GALR1: variants seen among roughly 807,000 people sequenced by gnomAD.
The protein encoded by GALR1 is galanin receptor type 1.
A neutral mutation model predicts 17.9 loss-of-function variants in GALR1; 11 were observed. The observed-to-expected ratio is 0.62, with a 90% CI of 0.39 to 1.02. The LOEUF (loss-of-function observed/expected upper bound fraction) is 1.02, where lower values mean the gene tolerates loss of function less well. Ranked by LOEUF, GALR1 falls within the 50% of genes least tolerant of loss-of-function variation. The probability of loss-of-function intolerance (pLI) is 0.01; values close to 1 mark genes in which losing one functional copy is unlikely to be tolerated. For missense variants in GALR1, 441 were observed against 456.9 expected, an observed-to-expected ratio of 0.97 and a Z score of 0.32; for synonymous variants, 206 against 205.7, an observed-to-expected ratio of 1.00 and a Z score of -0.01.
intron 1 of GALR1, among the ~76,000 whole-genome samples, chr18:77,252,060 T>TCG (rs1912431377): frequency 6.6e-6 from 1 of 152,168 alleles, no homozygotes; most frequent in Admixed American, 6.5e-5. Flanking sequence ...TCACCCTAAC[T>TCG]GTAGCAGAGG....
Position 77,270,360 on chromosome 18 carries a change from C to T in GALR1, c.*1458C>T, listed in dbSNP as rs901928301. The T allele has an allele frequency of 2.6e-5, 4 of 152,178 alleles. No individual in the cohort carries two copies. Among genetic ancestry groups the T allele is most frequent in the Non-Finnish European group, 4.4e-5 (3 of 68,078 alleles). The allele number at this position is 152,178 out of a possible 1,614,324, so 9.4% of individuals were successfully genotyped here. ...CAAAACTCGGTCTCTACTAAAAATA[C>T]AAAAATTAGCTGGGTGTGGTGGCGC... On this transcript the variant is annotated 3_prime_UTR_variant, in exon 3 of 3. Transcript: ENST00000299727.
chr18:77,256,132 T>G (rs941669655), intron 1 of GALR1, 26 bp from the exon 2 acceptor site: 1 of 1,437,066 alleles, frequency 7.0e-7, no homozygotes, highest in Admixed American at 1.7e-5. Flanking sequence ...TGAGGCGAAC[T>G]GATTTCAATA....
In GALR1 at chr18:77,272,286, C is replaced by T. The variant is rs1329431592; in HGVS notation, c.*3384C>T. On this transcript the variant is annotated 3_prime_UTR_variant, in exon 3 of 3. Transcript: ENST00000299727. ...AAATCATATTGCATTCCTGCATTCT[C>T]CCAGATGCTTTGAGGCAGTGCAGCG... is the stretch of plus-strand genomic sequence containing the variant. 1 of 152,238 alleles carries T rather than the reference C, an allele frequency of 6.6e-6. No homozygotes were observed. The highest frequency in any genetic ancestry group is 1.9e-4 in the East Asian group (1 of 5,202). The allele number at this position is 152,238 out of a possible 1,614,324, so 9.4% of individuals were successfully genotyped here. A position where few individuals can be genotyped will look rare whatever the true frequency, so the allele number is the denominator to read the frequency against.
At chr18:77,257,884 A>G (rs920593271) in intron 2 of GALR1, among the ~76,000 whole-genome samples, 3 of 152,268 alleles carry the variant, frequency 2.0e-5, no homozygotes, top group African/African-American at 7.2e-5. Flanking sequence ...ACTTTAACTG[A>G]GAAGACACCA....
At chr18:77,262,840 T>C (rs190502614) in intron 2 of GALR1, among the ~76,000 whole-genome samples, 139 of 152,308 alleles carry the variant, frequency 9.1e-4, no homozygotes, top group African/African-American at 3.1e-3. Flanking sequence ...AAGCTGCTGG[T>C]AAACCAAGAA....
chr18:77,271,250 C>CG lies in GALR1; in HGVS notation c.*2348_*2349insG, dbSNP rs1373783373. ...AAGTAATAGCTTGCGCTTGAAACCC[C>CG]CCCCCCCCCGCCACTTTGCTAAATG... On this transcript the variant is annotated 3_prime_UTR_variant, in exon 3 of 3. Transcript: ENST00000299727. 1.4e-4 allele frequency: 15 copies of CG among 104,688 alleles called. No individual in the cohort carries two copies. The highest frequency in any genetic ancestry group is 9.8e-5 in the Admixed American group (1 of 10,176). 6.5% of individuals were successfully genotyped at this position (104,688 alleles called of 1,614,324 possible). A position where few individuals can be genotyped will look rare whatever the true frequency, so the allele number is the denominator to read the frequency against.
intron 2 of GALR1, among the ~76,000 whole-genome samples, chr18:77,256,876 T>C (rs1328987480): frequency 6.6e-6 from 1 of 152,158 alleles, no homozygotes; most frequent in East Asian, 1.9e-4. Context: ...TATTCTACAT[T>C]TTGGGGGAAA....
At position 77,268,899 on chromosome 18, in the gene GALR1, G is replaced by A. The variant is rs748559973; in HGVS notation, c.1047G>A (p.Val349=). The change falls in exon 3 of 3, where the codon GTG becomes GTA. Residue 349 remains valine (V), a synonymous_variant. Coordinates refer to ENST00000299727, the MANE Select transcript of GALR1 (RefSeq NM_001480.4). ...DTPPSTNCTH[V] ...CACCATCAACCAATTGTACTCATGT[G>A]TGATAAAAGATAGAGTATCCTTATG... 8.7e-6 allele frequency: 14 copies of A among 1,605,708 alleles called. No individual in the cohort carries two copies. In the Admixed American group the frequency reaches 2.2e-4, roughly 25 times the overall value.
At chr18:77,259,950 A>G (rs1317345341) in intron 2 of GALR1, among the ~76,000 whole-genome samples, 1 of 152,066 alleles carries the variant, frequency 6.6e-6, no homozygotes, top group African/African-American at 2.4e-5. Flanking sequence ...AGGTCTCAGC[A>G]CAGAAAATTG....
intron 2 of GALR1, among the ~76,000 whole-genome samples, chr18:77,266,163 C>T (rs199544287): frequency 1.3e-5 from 2 of 152,144 alleles, no homozygotes; most frequent in African/African-American, 4.8e-5. Context: ...GTTCAAAGTT[C>T]CACAGATCTC....
Position 77,277,224 on chromosome 18 carries a change from T to G in GALR1, c.*8322T>G, listed in dbSNP as rs1252513532. 1 of 152,222 alleles carries G rather than the reference T, an allele frequency of 6.6e-6. No individual in the cohort carries two copies. Among genetic ancestry groups the G allele is most frequent in the Non-Finnish European group, 1.5e-5 (1 of 68,038 alleles). The allele number at this position is 152,222 out of a possible 1,614,324, so 9.4% of individuals were successfully genotyped here. On this transcript the variant is annotated 3_prime_UTR_variant, in exon 3 of 3. Coordinates refer to ENST00000299727, the MANE Select transcript of GALR1 (RefSeq NM_001480.4). Reference sequence around the variant, plus strand: ...AATCTATGTGTACTGTATTTTTAAATTTTAATAAGGTTTGATATGGTTTGG... The same window carrying G: ...AATCTATGTGTACTGTATTTTTAAAGTTTAATAAGGTTTGATATGGTTTGG...
rs942081717 is a variant in GALR1, at chr18:77,250,360, G to T, written c.-189G>T. ...CCACCCTCTCTCAGAAGGTCCCGGC[G>T]CAAAGACGGTGCCACCAGGCACGGC... On this transcript the variant is annotated 5_prime_UTR_variant, in exon 1 of 3. Transcript: ENST00000299727. Among the ~76,000 whole-genome samples, 7 of 152,150 alleles carry T rather than the reference G, an allele frequency of 4.6e-5. No individual in the cohort carries two copies. Among genetic ancestry groups the T allele is most frequent in the Admixed American group, 2.0e-4 (3 of 15,286 alleles).
Position 77,250,899 on chromosome 18 carries a change from G to C in GALR1, c.351G>C (p.Val117=), listed in dbSNP as rs2144945818. The C allele has an allele frequency of 1.2e-6, 2 of 1,607,424 alleles. No individual in the cohort carries two copies. Among genetic ancestry groups the C allele is most frequent in the South Asian group, 2.2e-5 (2 of 91,086 alleles). Residue 117 remains valine (V), a synonymous_variant, in exon 1 of 3, where the codon GTG becomes GTC. Transcript: ENST00000299727. The stretch of plus-strand genomic sequence containing the variant: ...AGTTCATCCACTACTTCTTCACCGT[G>C]TCCATGCTGGTGAGCATCTTCACCC... The part of the protein sequence containing the change: ...ICKFIHYFFT[V]SMLVSIFTLA...
At chr18:77,260,654 A>T (rs1160310530) in intron 2 of GALR1, among the ~76,000 whole-genome samples, 2 of 152,258 alleles carry the variant, frequency 1.3e-5, no homozygotes, top group East Asian at 3.8e-4. Flanking sequence ...TTGGTCTTTC[A>T]TGATAAACAT....
intron 1 of GALR1, among the ~76,000 whole-genome samples, chr18:77,252,588 G>A (rs979705704): frequency 6.6e-6 from 1 of 152,038 alleles, no homozygotes; most frequent in Non-Finnish European, 1.5e-5. Context: ...TAAATATGAA[G>A]AAATACAGTA....
At chr18:77,263,394 GTT>G (rs1247402729) in intron 2 of GALR1, among the ~76,000 whole-genome samples, 1 of 152,140 alleles carries the variant, frequency 6.6e-6, no homozygotes, top group Non-Finnish European at 1.5e-5. Flanking sequence ...TGTTTGTCGT[GTT>G]TAAATAGATG....
intron 1 of GALR1, among the ~76,000 whole-genome samples, chr18:77,253,010 C>CCACCATCACCACCAT (rs1912501906): frequency 1.6e-5 from 1 of 62,616 alleles, no homozygotes. Flanking sequence ...ACCACCACCA[C>CCACCATCACCACCAT]CACCACCACC....
chr18:77,255,458 C>T (rs76255049), intron 1 of GALR1, among the ~76,000 whole-genome samples: 1,918 of 152,200 alleles, frequency 0.013, 20 homozygotes, highest in Middle Eastern at 0.031. Context: ...TCATCAGTGA[C>T]GCTGAATCCC....
intron 2 of GALR1, among the ~76,000 whole-genome samples, chr18:77,259,381 GTGT>G (rs1265870454): frequency 1.5e-5 from 1 of 65,166 alleles, no homozygotes; most frequent in African/African-American, 4.2e-5. Context: ...AGTGGTGGTG[GTGT>G]TGGTGTTGGT....
Sources: gnomAD v4.1 joint callset for allele counts (sites outside exome capture counted in the v4.1 genomes callset) on GRCh38, gnomAD v4.1.1 for gene constraint, MANE v1.5 for transcripts, NCBI Gene and HGNC (gene_info 2026-07-23, HGNC 2026-07-21) for gene names.